Variants in RANBP2 observed in about 807,000 individuals in gnomAD.
RANBP2 encodes RAN binding protein 2.
In RANBP2, 57 loss-of-function variants were observed where a neutral mutation model predicts 303.6. The observed-to-expected ratio is 0.19, with a 90% CI of 0.15 to 0.23. RANBP2 has a LOEUF of 0.23. RANBP2 is among the 10% of genes least tolerant of loss of function. RANBP2 has a pLI of 1.00. For missense variants in RANBP2, 3,138 were observed against 3,780.8 expected, an observed-to-expected ratio of 0.83 and a Z score of 4.46; for synonymous variants, 1,167 against 1,301.5, an observed-to-expected ratio of 0.90 and a Z score of 2.23.
chr2:109,037,167 AAAAC>A, the RANBP2 span, among the ~76,000 whole-genome samples: 5 of 151,848 alleles, frequency 3.3e-5, no homozygotes, highest in Admixed American at 1.3e-4. Flanking sequence ...ACAAAACAAA[AAAAC>A]AAAAATTAGC....
the RANBP2 span, among the ~76,000 whole-genome samples, chr2:109,279,364 G>A: frequency 1.3e-5 from 2 of 152,216 alleles, no homozygotes; most frequent in Non-Finnish European, 2.9e-5. Flanking sequence ...AGGCTAAATC[G>A]GCAGTGGCAG....
At chr2:109,314,643 A>C in the RANBP2 span, among the ~76,000 whole-genome samples, 1 of 152,226 alleles carries the variant, frequency 6.6e-6, no homozygotes, top group Non-Finnish European at 1.5e-5. Flanking sequence ...GGTTTGTATA[A>C]ACTTGTAAAT....
chr2:108,812,995 A>G, the RANBP2 span: 92 of 1,311,336 alleles, frequency 7.0e-5, no homozygotes, highest in African/African-American at 1.3e-3. Context: ...CACACCTGTA[A>G]TCCCAGCACT....
the RANBP2 span, among the ~76,000 whole-genome samples, chr2:109,475,855 G>A: frequency 6.6e-6 from 1 of 152,202 alleles, no homozygotes; most frequent in African/African-American, 2.4e-5. Context: ...CTTGGGCTAT[G>A]CTGATATTGA....
chr2:109,634,226 A>C, the RANBP2 span, among the ~76,000 whole-genome samples: 7 of 151,988 alleles, frequency 4.6e-5, no homozygotes, highest in Admixed American at 4.6e-4. Context: ...TTGATGAAAA[A>C]TACCAGTCAC....
chr2:109,657,326 T>C, the RANBP2 span, among the ~76,000 whole-genome samples: 1 of 152,088 alleles, frequency 6.6e-6, no homozygotes, highest in South Asian at 2.1e-4. Flanking sequence ...TGTGTGCCTG[T>C]AGTCCCAGGT....
At chr2:109,002,389 C>A in the RANBP2 span, among the ~76,000 whole-genome samples, 1 of 152,190 alleles carries the variant, frequency 6.6e-6, no homozygotes, top group Admixed American at 6.5e-5. Flanking sequence ...CACTATGTCT[C>A]CCTTGAACCA....
chr2:109,096,231 C>T, the RANBP2 span, among the ~76,000 whole-genome samples: 12 of 152,142 alleles, frequency 7.9e-5, no homozygotes, highest in African/African-American at 2.9e-4. Flanking sequence ...GTATCAAAAC[C>T]ATACAGGAAA....
chr2:109,023,571 G>A, the RANBP2 span, among the ~76,000 whole-genome samples: 5 of 152,326 alleles, frequency 3.3e-5, no homozygotes, highest in Admixed American at 2.6e-4. Context: ...GGGAGGCCTA[G>A]GTGGGAGGAT....
the RANBP2 span, among the ~76,000 whole-genome samples, chr2:109,287,830 T>C: frequency 6.6e-6 from 1 of 152,224 alleles, no homozygotes; most frequent in Admixed American, 6.5e-5. Context: ...TGCACTCTCC[T>C]GTGTGCAGTT....
intron 9 of RANBP2, among the ~76,000 whole-genome samples, chr2:108,749,889 T>C (rs1350128440): frequency 6.6e-6 from 1 of 152,084 alleles, no homozygotes. Flanking sequence ...GTGGCTCATA[T>C]CTGTAATCCC....
chr2:108,796,502 C>T, the RANBP2 span, among the ~76,000 whole-genome samples: 3 of 152,128 alleles, frequency 2.0e-5, no homozygotes, highest in African/African-American at 4.8e-5. Flanking sequence ...AAAAAGAAAA[C>T]GGCGTATCGA....
chr2:109,441,274 A>G, the RANBP2 span, among the ~76,000 whole-genome samples: 5 of 152,184 alleles, frequency 3.3e-5, no homozygotes, highest in African/African-American at 1.2e-4. Context: ...CTGACCCCAA[A>G]TTGACATAGA....
the RANBP2 span, among the ~76,000 whole-genome samples, chr2:108,934,706 C>T: frequency 1.3e-5 from 2 of 152,258 alleles, no homozygotes; most frequent in South Asian, 4.1e-4. Flanking sequence ...ACTGTTATAA[C>T]CAGCCCACTC....
chr2:108,744,384 C>T (rs1450106184), intron 7 of RANBP2, among the ~76,000 whole-genome samples: 3 of 149,340 alleles, frequency 2.0e-5, no homozygotes. Flanking sequence ...TGCAGCCTGG[C>T]GACAGAGCGA....
the RANBP2 span, among the ~76,000 whole-genome samples, chr2:108,979,498 C>T: frequency 4.0e-5 from 6 of 150,860 alleles, no homozygotes; most frequent in African/African-American, 1.5e-4. Context: ...CACACACACA[C>T]ACGCATGGCA....
At chr2:109,271,360 T>G in the RANBP2 span, among the ~76,000 whole-genome samples, 65 of 152,290 alleles carry the variant, frequency 4.3e-4, no homozygotes, top group African/African-American at 1.6e-3. Flanking sequence ...TAGAGGGATG[T>G]GCAAAGAAAA....
At chr2:108,786,721 C>G (rs10195166), downstream of RANBP2, 67 of 1,119,892 alleles carry the variant, frequency 6.0e-5, no homozygotes, top group African/African-American at 9.6e-4. Context: ...GTGCGTGCCT[C>G]GGGGGGGCGG....
chr2:109,221,456 G>A, the RANBP2 span, among the ~76,000 whole-genome samples: 8 of 152,210 alleles, frequency 5.3e-5, no homozygotes, highest in Admixed American at 3.3e-4. Context: ...GGTGGTGCAC[G>A]CCTGTAATCC....
Sources: allele counts gnomAD v4.1 joint callset (sites outside exome capture counted in the v4.1 genomes callset), GRCh38; gene constraint gnomAD v4.1.1; transcripts MANE v1.5; gene names NCBI Gene and HGNC (gene_info 2026-07-23, HGNC 2026-07-21).